EBF1: variants seen among roughly 807,000 people sequenced by gnomAD.
EBF1 encodes the protein EBF transcription factor 1, also known as transcription factor COE1.
A neutral mutation model predicts 68.4 loss-of-function variants in EBF1; 10 were observed. The observed-to-expected ratio is 0.15, with a 90% confidence interval of 0.09 to 0.25. The LOEUF (loss-of-function observed/expected upper bound fraction) is 0.25. EBF1 is among the 10% of genes least tolerant of loss of function. EBF1 has a pLI of 1.00. For synonymous variants in EBF1, 298 were observed against 299.8 expected (o/e 0.99, Z 0.06); for missense variants, 509 against 794.4 (o/e 0.64, Z 4.32).
intron 6 of EBF1, among the ~76,000 whole-genome samples, chr5:158,960,838 C>T (rs1173555493): frequency 2.0e-5 from 3 of 152,170 alleles, no homozygotes; most frequent in South Asian, 2.1e-4. Flanking sequence ...CCGGAAAGGC[C>T]TTGTATCAAG....
At chr5:158,704,576 A>G (rs557665769) in intron 15 of EBF1, among the ~76,000 whole-genome samples, 6 of 152,280 alleles carry the variant, frequency 3.9e-5, no homozygotes, top group Admixed American at 2.6e-4. Context: ...CGTGGAATAG[A>G]ACACTTCAGG....
At chr5:158,727,232 G>A (rs1332760466) in intron 11 of EBF1, among the ~76,000 whole-genome samples, 1 of 152,192 alleles carries the variant, frequency 6.6e-6, no homozygotes, top group African/African-American at 2.4e-5. Context: ...AGGATTCACA[G>A]CTGACACGCC....
Position 158,712,225 on chromosome 5 carries a change from G to C in EBF1, c.1478C>G (p.Ser493Cys). ...SVTTSMNGYG[S>C]AAMSNLGGSP... Reference sequence around the variant, plus strand: ...GCCGCCCAAATTGGACATTGCGGCAGAGCCGTATCCGTTCATGCTCGTGGT... The same window carrying C: ...GCCGCCCAAATTGGACATTGCGGCACAGCCGTATCCGTTCATGCTCGTGGT... Residue 493 changes from serine to cysteine, a missense_variant, in exon 14 of 16, where the codon TCT becomes TGT. Ser to Cys is a moderately radical substitution (Grantham distance 112). Around this residue, in one of 3 missense-constraint regions of EBF1, gnomAD observed 205 missense variants for 247.4 expected, o/e 0.83. Coordinates refer to ENST00000313708, the MANE Select transcript of EBF1 (RefSeq NM_024007.5). 6.2e-7 allele frequency: 1 copy of C among 1,613,884 alleles called. No individual in the cohort carries two copies. Among genetic ancestry groups the C allele is most frequent in the Non-Finnish European group, 8.5e-7 (1 of 1,179,918 alleles).
intron 10 of EBF1, among the ~76,000 whole-genome samples, chr5:158,774,402 C>T (rs78205946): frequency 0.066 from 10,085 of 151,890 alleles, 447 homozygotes; most frequent in Non-Finnish European, 0.089. Flanking sequence ...TCTACAAATG[C>T]CAACTCTCTC....
chr5:158,726,806 G>A (rs888519010), intron 11 of EBF1, among the ~76,000 whole-genome samples: 1 of 152,182 alleles, frequency 6.6e-6, no homozygotes. Context: ...TGAGGCTACC[G>A]ACCCTGAGGG....
chr5:158,721,338 A>G (rs1421213247), intron 11 of EBF1, among the ~76,000 whole-genome samples: 1 of 152,216 alleles, frequency 6.6e-6, no homozygotes, highest in Non-Finnish European at 1.5e-5. Context: ...ACGCGGCTAT[A>G]TCAACGTAAG....
intron 6 of EBF1, among the ~76,000 whole-genome samples, chr5:159,059,363 G>GA (rs1328897886): frequency 2.2e-3 from 307 of 141,592 alleles, no homozygotes; most frequent in South Asian, 3.8e-3. Flanking sequence ...ACAATTTGAT[G>GA]AAAAAAAAAA....
rs145871339 is a variant in EBF1 at position 158,805,506 on chromosome 5, A to G, written c.779-9031T>C. Reference sequence around the variant, plus strand: ...GTCTGGAGGCAGGACCAAATTCAGCAATAAAAACATAGATGCGTGCAGATA... The same window carrying G: ...GTCTGGAGGCAGGACCAAATTCAGCGATAAAAACATAGATGCGTGCAGATA... On this transcript the variant is annotated intron_variant, in intron 8 of 15. Coordinates refer to ENST00000313708, the MANE Select transcript of EBF1 (RefSeq NM_024007.5). Among the ~76,000 whole-genome samples the G allele has an allele frequency of 5.4e-3, 825 of 152,294 alleles. 13 individuals are homozygous for G. The highest frequency in any genetic ancestry group is 0.019 in the African/African-American group (797 of 41,576).
At chr5:158,887,353 C>T (rs1045137416) in intron 6 of EBF1, among the ~76,000 whole-genome samples, 7 of 152,226 alleles carry the variant, frequency 4.6e-5, no homozygotes, top group African/African-American at 1.4e-4. Context: ...AAATAAACCA[C>T]AAAGTTTACC....
At chr5:159,083,457 CAAATCACTG>C (rs907637160) in intron 5 of EBF1, among the ~76,000 whole-genome samples, 1 of 151,890 alleles carries the variant, frequency 6.6e-6, no homozygotes, top group Non-Finnish European at 1.5e-5. Flanking sequence ...ACAAGTTTTA[CAAATCACTG>C]AAATGAAAAC....
intron 11 of EBF1, among the ~76,000 whole-genome samples, chr5:158,725,296 T>C (rs1581348909): frequency 6.6e-6 from 1 of 152,152 alleles, no homozygotes; most frequent in Non-Finnish European, 1.5e-5. Context: ...AACCCCTCCT[T>C]CCCACCATCC....
At chr5:158,755,224 G>A (rs986177293) in intron 10 of EBF1, among the ~76,000 whole-genome samples, 1 of 151,724 alleles carries the variant, frequency 6.6e-6, no homozygotes, top group East Asian at 1.9e-4. Context: ...TAAGAAGATG[G>A]AGCTCAGTAA....
At chr5:159,048,739 G>C (rs745571012) in intron 6 of EBF1, among the ~76,000 whole-genome samples, 1 of 152,072 alleles carries the variant, frequency 6.6e-6, no homozygotes, top group Non-Finnish European at 1.5e-5. Flanking sequence ...TAATTTCTGG[G>C]GAACTGCAAA....
chr5:158,727,752 T>C (rs1763287097), intron 11 of EBF1, among the ~76,000 whole-genome samples: 2 of 152,224 alleles, frequency 1.3e-5, no homozygotes, highest in Non-Finnish European at 2.9e-5. Context: ...GTTTTCCTAT[T>C]TGGTAAATGG....
At chr5:158,839,039 G>A (rs902797762) in intron 7 of EBF1, among the ~76,000 whole-genome samples, 5 of 152,026 alleles carry the variant, frequency 3.3e-5, no homozygotes, top group African/African-American at 1.2e-4. Context: ...GATCCTCAGG[G>A]GATTTTCAGC....
At chr5:158,709,148 G>A (rs1006305916) in intron 14 of EBF1, among the ~76,000 whole-genome samples, 5 of 152,028 alleles carry the variant, frequency 3.3e-5, no homozygotes, top group Non-Finnish European at 7.4e-5. Flanking sequence ...TCATACACTC[G>A]CTTTCTATTT....
chr5:158,938,571 AG>A (rs1812570869), intron 6 of EBF1, among the ~76,000 whole-genome samples: 1 of 152,262 alleles, frequency 6.6e-6, no homozygotes, highest in South Asian at 2.1e-4. Context: ...AAGGCTGAGA[AG>A]TCCAAGATGA....
intron 14 of EBF1, among the ~76,000 whole-genome samples, chr5:158,711,158 TTTG>T (rs1186705795): frequency 6.6e-6 from 1 of 152,236 alleles, no homozygotes; most frequent in Non-Finnish European, 1.5e-5. Flanking sequence ...AGTGTTTTGA[TTTG>T]TTGTTGTTTT....
intron 9 of EBF1, among the ~76,000 whole-genome samples, chr5:158,779,959 C>T (rs1184225428): frequency 6.6e-6 from 1 of 152,132 alleles, no homozygotes. Context: ...AAACAACAAT[C>T]CTTCACAGAT....
Sources: gnomAD v4.1 joint callset for allele counts (sites outside exome capture counted in the v4.1 genomes callset) on GRCh38, gnomAD v4.1.1 for gene constraint, gnomAD v4.1.1 regional missense constraint, MANE v1.5 for transcripts, NCBI Gene and HGNC (gene_info 2026-07-23, HGNC 2026-07-21) for gene names.